The following RRAGD variants were observed in gnomAD, a reference collection of about 807,000 sequenced individuals.
RRAGD encodes Ras related GTP binding D, also known as ras-related GTP-binding protein D.
A neutral mutation model predicts 35.5 loss-of-function variants in RRAGD; 12 were observed. The ratio of observed to expected loss-of-function variants is 0.34; its 90% CI spans 0.22 to 0.55. The LOEUF (loss-of-function observed/expected upper bound fraction) is 0.55, where lower values mean the gene tolerates loss of function less well. RRAGD is among the 20% of genes least tolerant of loss of function. The pLI, the probability that RRAGD is intolerant of heterozygous loss-of-function variation, is 0.91. For missense variants in RRAGD, 324 were observed against 490.1 expected (o/e 0.66, Z 3.20); for synonymous variants, 155 against 178.9 (o/e 0.87, Z 1.07).
chr6:89,370,166 T>A (rs924327815), intron 6 of RRAGD, among the ~76,000 whole-genome samples: 2 of 152,216 alleles, frequency 1.3e-5, no homozygotes, highest in East Asian at 3.8e-4. Context: ...ATCTGTGACA[T>A]GAGAGGGTGA....
At chr6:89,405,887 T>A (rs945305749) in intron 1 of RRAGD, among the ~76,000 whole-genome samples, 2 of 152,130 alleles carry the variant, frequency 1.3e-5, no homozygotes, top group African/African-American at 4.8e-5. Context: ...AGGAGTTCAA[T>A]AAGAAATTCC....
chr6:89,365,369 A>C lies in RRAGD; in HGVS notation c.*2687T>G, dbSNP rs1768721244. On this transcript the variant is annotated 3_prime_UTR_variant, in exon 7 of 7. Transcript: ENST00000369415. The stretch of plus-strand genomic sequence containing the variant: ...TCTCAATCCCTAAAACCAAGCAAAA[A>C]TGTTCCAGTGCAGTTGCTGTAGCCA... 6.6e-6 allele frequency: 1 copy of C among 152,198 alleles called. No homozygotes were observed. Among genetic ancestry groups the C allele is most frequent in the Admixed American group, 6.5e-5 (1 of 15,282 alleles). 9.4% of individuals were successfully genotyped at this position (152,198 alleles called of 1,614,324 possible).
Position 89,367,489 on chromosome 6 carries a change from T to G in RRAGD, c.*567A>C, listed in dbSNP as rs1304199831. 1.3e-5 allele frequency: 2 copies of G among 152,242 alleles called. No homozygotes were observed. Among genetic ancestry groups the G allele is most frequent in the African/African-American group, 4.8e-5 (2 of 41,470 alleles). 9.4% of individuals were successfully genotyped at this position (152,242 alleles called of 1,614,324 possible). On this transcript the variant is annotated 3_prime_UTR_variant, in exon 7 of 7. Transcript: ENST00000369415. ...TCTACAAAACTGTTTACACCCATTA[T>G]AAATAGGGGACAGTTCTTATTGCTC...
intron 4 of RRAGD, 49 bp from the exon 5 acceptor site, chr6:89,377,862 CCA>C: frequency 6.9e-7 from 1 of 1,454,462 alleles, no homozygotes; most frequent in Non-Finnish European, 9.4e-7. Context: ...CAACTTCAGA[CCA>C]TGTCATGACT....
intron 6 of RRAGD, among the ~76,000 whole-genome samples, chr6:89,371,314 C>A (rs975413446): frequency 3.3e-5 from 5 of 151,706 alleles, no homozygotes; most frequent in African/African-American, 1.2e-4. Context: ...CATGGTGAGA[C>A]CCCAATCTCT....
intron 2 of RRAGD, among the ~76,000 whole-genome samples, chr6:89,381,299 G>A (rs1769037967): frequency 6.6e-6 from 1 of 152,156 alleles, no homozygotes; most frequent in South Asian, 2.1e-4. Context: ...AGCTTAAGAT[G>A]TTTGCCATCT....
intron 1 of RRAGD, among the ~76,000 whole-genome samples, chr6:89,389,035 C>A (rs1291118698): frequency 1.3e-5 from 2 of 152,168 alleles, no homozygotes; most frequent in East Asian, 3.9e-4. Flanking sequence ...ACAGACGAAA[C>A]TTCGCTTGCT....
chr6:89,395,620 G>C (rs180998867), intron 1 of RRAGD, among the ~76,000 whole-genome samples: 165 of 152,198 alleles, frequency 1.1e-3, no homozygotes, highest in African/African-American at 3.7e-3. Flanking sequence ...CTTAAATTGT[G>C]ATTTCAACTC....
At chr6:89,398,753 C>T (rs1769390048) in intron 1 of RRAGD, among the ~76,000 whole-genome samples, 1 of 152,202 alleles carries the variant, frequency 6.6e-6, no homozygotes, top group South Asian at 2.1e-4. Flanking sequence ...ATTATTATCC[C>T]CATTTCACAG....
At chr6:89,384,435 C>CTGG (rs1389941145) in intron 2 of RRAGD, among the ~76,000 whole-genome samples, 5 of 152,196 alleles carry the variant, frequency 3.3e-5, no homozygotes, top group Non-Finnish European at 1.5e-5. Flanking sequence ...CCTCAAACTC[C>CTGG]TGGGCCTAAG....
chr6:89,371,653 C>T lies in RRAGD; in HGVS notation c.1051+784G>A, dbSNP rs192727269. 4.2e-3 allele frequency among the ~76,000 whole-genome samples: 638 copies of T among 152,198 alleles called. 3 individuals are homozygous for T. The highest frequency in any genetic ancestry group is 7.0e-3 in the Non-Finnish European group (473 of 68,008). The stretch of plus-strand genomic sequence containing the variant: ...ATAATATAGAAGAAAAAGGCTATTT[C>T]AGGATATGTTACTATAACATATTCA... On this transcript the variant is annotated intron_variant, in intron 6 of 6. Transcript: ENST00000369415.
chr6:89,381,731 C>T lies in RRAGD; in HGVS notation c.445-1364G>A, dbSNP rs183735738. On this transcript the variant is annotated intron_variant, in intron 2 of 6. Coordinates refer to ENST00000369415, the MANE Select transcript of RRAGD (RefSeq NM_021244.5). ...AGTACATAACTACAGTGCATTAGTT[C>T]CTTTTAATGGCTCTATAAAACTTCC... 2.9e-3 allele frequency among the ~76,000 whole-genome samples: 440 copies of T among 152,244 alleles called. 3 individuals are homozygous for T. Among genetic ancestry groups the T allele is most frequent in the Non-Finnish European group, 2.8e-3 (192 of 68,018 alleles).
At chr6:89,372,097 GC>G (rs1054056899) in intron 6 of RRAGD, among the ~76,000 whole-genome samples, 29 of 152,308 alleles carry the variant, frequency 1.9e-4, no homozygotes, top group African/African-American at 6.5e-4. Flanking sequence ...CTGGGAGTCT[GC>G]TCCCTGGTAA....
At chr6:89,389,409 A>T (rs1336264200) in intron 1 of RRAGD, among the ~76,000 whole-genome samples, 1 of 152,014 alleles carries the variant, frequency 6.6e-6, no homozygotes, top group Non-Finnish European at 1.5e-5. Context: ...CAAAAAAATT[A>T]GCCAGGCGTG....
intron 2 of RRAGD, among the ~76,000 whole-genome samples, chr6:89,382,831 G>A (rs969193174): frequency 1.1e-4 from 17 of 151,740 alleles, no homozygotes; most frequent in African/African-American, 2.7e-4. Flanking sequence ...AGCCAAGATC[G>A]TGCCACTGCA....
In RRAGD at chr6:89,387,462, A is replaced by G. The variant is rs1425492484; in HGVS notation, c.277T>C (p.Phe93Leu). Residue 93 changes from phenylalanine to leucine, a missense_variant, in exon 2 of 7, where the codon TTC becomes CTC. Physicochemically the swap from Phe to Leu is conservative, Grantham distance 22. This residue lies in a region of RRAGD where 152 missense variants were observed against 296.9 expected (regional missense o/e 0.51). Coordinates refer to ENST00000369415, the MANE Select transcript of RRAGD (RefSeq NM_021244.5). ...CATATCTTATTAGTGCTCTCCAAGA[A>G]CAGAGTTTCGTTGGGAGACATTTTG... ...FHKMSPNETL[F>L]LESTNKICRE... The G allele has an allele frequency of 6.2e-7, 1 of 1,614,210 alleles. No individual in the cohort carries two copies. The highest frequency in any genetic ancestry group is 2.2e-5 in the East Asian group (1 of 44,880).
chr6:89,411,583 C>T lies in RRAGD; in HGVS notation c.148+263G>A. 2.0e-6 allele frequency: 1 copy of T among 509,218 alleles called. No individual in the cohort carries two copies. Among genetic ancestry groups the T allele is most frequent in the Non-Finnish European group, 3.5e-6 (1 of 285,028 alleles). The allele number at this position is 509,218 out of a possible 1,614,324, so 31.5% of individuals were successfully genotyped here. A position where few individuals can be genotyped will look rare whatever the true frequency, so the allele number is the denominator to read the frequency against. On this transcript the variant is annotated intron_variant, in intron 1 of 6. Coordinates refer to ENST00000369415, the MANE Select transcript of RRAGD (RefSeq NM_021244.5). The surrounding 1 kb of genome is among the most constrained non-coding windows in gnomAD (Gnocchi z 5.6). ...ACCGGCTCTGAAAGGGGCAGAAGCG[C>T]GCGCTCCTCCAGCCCAGACGCTTAC... is the stretch of plus-strand genomic sequence containing the variant.
chr6:89,411,904 G>A lies in RRAGD; in HGVS notation c.90C>T (p.Asp30=). The A allele has an allele frequency of 1.9e-6, 3 of 1,545,838 alleles. 1 individual carries two copies. The highest frequency in any genetic ancestry group is 3.3e-4 in the Middle Eastern group (2 of 5,996). ...CGGAGGAGTCGGGCCCGTCTCCGTA[G>A]TCCGCTAGCCCCACCAGCTCATCCT... The part of the protein sequence containing the change: ...EEEDELVGLA[D]YGDGPDSSDA... Residue 30 remains aspartate (D), a synonymous_variant, in exon 1 of 7, where the codon GAC becomes GAT. Coordinates refer to ENST00000369415, the MANE Select transcript of RRAGD (RefSeq NM_021244.5). The surrounding 1 kb of genome is among the most constrained non-coding windows in gnomAD (Gnocchi z 5.6).
chr6:89,367,943 C>T lies in RRAGD; in HGVS notation c.*113G>A. The T allele has an allele frequency of 1.1e-6, 1 of 929,968 alleles. No homozygotes were observed. Among genetic ancestry groups the T allele is most frequent in the Non-Finnish European group, 1.5e-6 (1 of 665,654 alleles). 57.6% of individuals were successfully genotyped at this position (929,968 alleles called of 1,614,324 possible). A position where few individuals can be genotyped will look rare whatever the true frequency, so the allele number is the denominator to read the frequency against. The stretch of plus-strand genomic sequence containing the variant: ...GGTTGCAGGAATTTTTTTTTTTTAA[C>T]AACAAATCAATGGTATGTGTCCCAA... On this transcript the variant is annotated 3_prime_UTR_variant, in exon 7 of 7. Coordinates refer to ENST00000369415, the MANE Select transcript of RRAGD (RefSeq NM_021244.5).
Sources: allele counts gnomAD v4.1 joint callset (sites outside exome capture counted in the v4.1 genomes callset), GRCh38; gene constraint gnomAD v4.1.1; regional missense constraint gnomAD v4.1.1; non-coding constraint Gnocchi (gnomAD v3.1); transcripts MANE v1.5; gene names NCBI Gene and HGNC (gene_info 2026-07-23, HGNC 2026-07-21).